FIBCD1: variants seen among roughly 807,000 people sequenced by gnomAD.
The protein encoded by FIBCD1 is fibrinogen C domain containing 1, also known as fibrinogen C domain-containing protein 1.
In FIBCD1, 47 loss-of-function variants were observed where a neutral mutation model predicts 45.1. The observed-to-expected ratio is 1.04, with a 90% CI of 0.82 to 1.33. The LOEUF (loss-of-function observed/expected upper bound fraction) is 1.33. Among genes scored for constraint, FIBCD1 ranks in the 40% most tolerant of loss-of-function variants. The probability of loss-of-function intolerance (pLI) is 0.00; values close to 1 mark genes in which losing one functional copy is unlikely to be tolerated. For missense variants in FIBCD1, 653 were observed against 682.2 expected (o/e 0.96, Z 0.48); for synonymous variants, 313 against 308.1 (o/e 1.02, Z -0.17).
At chr9:130,914,067 G>A (rs549318544) in intron 4 of FIBCD1, among the ~76,000 whole-genome samples, 13 of 151,738 alleles carry the variant, frequency 8.6e-5, no homozygotes, top group African/African-American at 3.1e-4. Context: ...CTTCCTCCCA[G>A]GCTATGACCA....
chr9:130,927,844 C>A (rs898383938), intron 2 of FIBCD1, among the ~76,000 whole-genome samples: 2 of 152,060 alleles, frequency 1.3e-5, no homozygotes, highest in Non-Finnish European at 1.5e-5. Context: ...TATTTTTAGT[C>A]GAGACGGGGT....
rs1832366126 is a variant in FIBCD1 at position 130,926,598 on chromosome 9, T to C, written c.553-2202A>G. On this transcript the variant is annotated intron_variant, in intron 2 of 6. Coordinates refer to ENST00000372338, the MANE Select transcript of FIBCD1 (RefSeq NM_032843.5). This position sits in a 1 kb window ranked among gnomAD's most constrained non-coding sequence, Gnocchi z 4.1. ...ACTTTGGGAGGCCAAGTTGGGTGGA[T>C]CACCTAAGGTCAGGAGTTTGAGACC... 6.6e-6 allele frequency among the ~76,000 whole-genome samples: 1 copy of C among 152,152 alleles called. No homozygotes were observed. The highest frequency in any genetic ancestry group is 1.5e-5 in the Non-Finnish European group (1 of 68,020).
At chr9:130,925,111 G>A (rs1031279500) in intron 2 of FIBCD1, among the ~76,000 whole-genome samples, 2 of 152,116 alleles carry the variant, frequency 1.3e-5, no homozygotes, top group Non-Finnish European at 2.9e-5. Flanking sequence ...GACCAACAAG[G>A]CTCCCCCGTC....
chr9:130,910,246 A>G (rs1832012799), intron 5 of FIBCD1, among the ~76,000 whole-genome samples: 1 of 152,082 alleles, frequency 6.6e-6, no homozygotes, highest in East Asian at 1.9e-4. Flanking sequence ...CCCCGGGGCA[A>G]TGAGGAACTT....
intron 1 of FIBCD1, among the ~76,000 whole-genome samples, chr9:130,933,483 C>G (rs917298456): frequency 6.6e-6 from 1 of 152,218 alleles, no homozygotes. Context: ...TCAAAGCCCA[C>G]TTCTGCCACT....
chr9:130,931,874 G>A (rs548138298), intron 1 of FIBCD1, among the ~76,000 whole-genome samples: 15 of 152,364 alleles, frequency 9.8e-5, no homozygotes, highest in African/African-American at 3.4e-4. Context: ...TCAACTTTCC[G>A]AATTTGAGAC....
intron 4 of FIBCD1, among the ~76,000 whole-genome samples, chr9:130,914,834 T>C (rs1324923339): frequency 6.6e-6 from 1 of 152,194 alleles, no homozygotes; most frequent in Non-Finnish European, 1.5e-5. Context: ...TTCCTGCCCC[T>C]GCGTCCCAGC....
At position 130,903,945 on chromosome 9, in the gene FIBCD1, T is replaced by C. The variant is rs1343841399; in HGVS notation, c.*119A>G. On this transcript the variant is annotated 3_prime_UTR_variant, in exon 7 of 7. Transcript: ENST00000372338. ...TTCGTGTCAGGGATGGCCCGGCCCC[T>C]CCCTACTGGAGAGTGGGTCCGCCAG... 1 of 1,377,270 alleles carries C rather than the reference T, an allele frequency of 7.3e-7. No homozygotes were observed. 85.3% of individuals were successfully genotyped at this position (1,377,270 alleles called of 1,614,324 possible). A position where few individuals can be genotyped will look rare whatever the true frequency, so the allele number is the denominator to read the frequency against.
At chr9:130,938,421 C>G in intron 1 of FIBCD1, 115 bp downstream of exon 1, 1 of 872,580 alleles carries the variant, frequency 1.1e-6, no homozygotes, top group South Asian at 2.4e-5. Context: ...GCCTCCGGAG[C>G]CTCGAAGGGG....
intron 4 of FIBCD1, among the ~76,000 whole-genome samples, chr9:130,915,994 A>C (rs1224034424): frequency 6.6e-6 from 1 of 152,166 alleles, no homozygotes; most frequent in Non-Finnish European, 1.5e-5. Context: ...CGGTGGCACG[A>C]TCTCAGCTCA....
chr9:130,904,116 T>C lies in FIBCD1; in HGVS notation c.1334A>G (p.Tyr445Cys), dbSNP rs761161856. The change falls in exon 7 of 7, where the codon TAC becomes TGC. Residue 445 changes from tyrosine to cysteine, a missense_variant. Physicochemically the swap from Tyr to Cys is radical, Grantham distance 194. Transcript: ENST00000372338. ...CTTCATCTCAGAGAACTTGAGTGAG[T>C]ACTGCCAGCCGGTCCAGGAGGACCA... ...VEWSSWTGWQ[Y>C]SLKFSEMKIR... 6.2e-7 allele frequency: 1 copy of C among 1,613,136 alleles called. No individual in the cohort carries two copies. Among genetic ancestry groups the C allele is most frequent in the Non-Finnish European group, 8.5e-7 (1 of 1,179,846 alleles).
At chr9:130,905,482 T>A (rs1350483746) in intron 5 of FIBCD1, 69 bp from the exon 6 acceptor site, 11 of 1,480,078 alleles carry the variant, frequency 7.4e-6, no homozygotes, top group Middle Eastern at 1.8e-4. Flanking sequence ...GGAGAAATGA[T>A]AAATGACAGC....
At chr9:130,913,449 G>A (rs75189818) in intron 4 of FIBCD1, among the ~76,000 whole-genome samples, 13,351 of 152,300 alleles carry the variant, frequency 0.088, 1,104 homozygotes, top group African/African-American at 0.22. Flanking sequence ...CGTCTGCCGC[G>A]TGAGCGTTTG....
chr9:130,911,452 C>T (rs1832044848), intron 5 of FIBCD1, among the ~76,000 whole-genome samples: 1 of 152,178 alleles, frequency 6.6e-6, no homozygotes, highest in Non-Finnish European at 1.5e-5. Context: ...CCTCCTGCTG[C>T]CTGGGATGCT....
intron 4 of FIBCD1, among the ~76,000 whole-genome samples, chr9:130,919,035 C>T (rs890373805): frequency 6.6e-6 from 1 of 152,194 alleles, no homozygotes; most frequent in Non-Finnish European, 1.5e-5. Flanking sequence ...CCAGGCTTGG[C>T]GCCCTGCCGT....
rs1174660064 is a variant in FIBCD1 at position 130,938,577 on chromosome 9, C to G, written c.31G>C (p.Gly11Arg). ...GGCCGGTCCTCAAGTTGGGCAGCGCCGCCCATGGTCTTCCACCGGTCGTTG... is the reference window on the plus strand; with the variant it reads ...GGCCGGTCCTCAAGTTGGGCAGCGCGGCCCATGGTCTTCCACCGGTCGTTG... MVNDRWKTMG[G>R]AAQLEDRPRD... The change falls in exon 1 of 7, where the codon GGC becomes CGC. Residue 11 changes from glycine to arginine, a missense_variant. Gly to Arg is a moderately radical substitution (Grantham distance 125). Transcript: ENST00000372338. The G allele has an allele frequency of 6.7e-7, 1 of 1,488,064 alleles. No individual in the cohort carries two copies. Among genetic ancestry groups the G allele is most frequent in the East Asian group, 2.9e-5 (1 of 34,600 alleles). 92.2% of individuals were successfully genotyped at this position (1,488,064 alleles called of 1,614,324 possible). A position where few individuals can be genotyped will look rare whatever the true frequency, so the allele number is the denominator to read the frequency against.
intron 1 of FIBCD1, among the ~76,000 whole-genome samples, chr9:130,932,155 C>T (rs1208778250): frequency 6.6e-6 from 1 of 152,204 alleles, no homozygotes; most frequent in African/African-American, 2.4e-5. Context: ...ATACATTGAA[C>T]AGAGACAGAT....
intron 5 of FIBCD1, among the ~76,000 whole-genome samples, chr9:130,907,911 AAAAAG>A (rs1282124575): frequency 2.6e-5 from 4 of 151,496 alleles, no homozygotes; most frequent in East Asian, 1.9e-4. Context: ...AAAAAAAAAA[AAAAAG>A]AAAGAAAAGA....
intron 2 of FIBCD1, among the ~76,000 whole-genome samples, chr9:130,925,129 C>G (rs900546934): frequency 2.6e-5 from 4 of 152,166 alleles, no homozygotes; most frequent in African/African-American, 9.7e-5. Flanking sequence ...GTCCCACCCC[C>G]ACTCCCCATG....
Sources: allele counts gnomAD v4.1 joint callset (sites outside exome capture counted in the v4.1 genomes callset), GRCh38; gene constraint gnomAD v4.1.1; non-coding constraint Gnocchi (gnomAD v3.1); transcripts MANE v1.5; gene names NCBI Gene and HGNC (gene_info 2026-07-23, HGNC 2026-07-21).